Variants in KLF8 observed in about 807,000 individuals in gnomAD.
KLF8 encodes KLF transcription factor 8.
A neutral mutation model predicts 18.2 loss-of-function variants in KLF8; 10 were observed. That is an observed-to-expected ratio of 0.55 (90% CI 0.34 to 0.93). The LOEUF (loss-of-function observed/expected upper bound fraction) is 0.93, where lower values mean the gene tolerates loss of function less well. Among genes scored for constraint, KLF8 ranks in the 40% least tolerant of loss-of-function variants. The probability of loss-of-function intolerance (pLI) is 0.02; values close to 1 mark genes in which losing one functional copy is unlikely to be tolerated. For missense variants in KLF8, 264 were observed against 277.9 expected, an observed-to-expected ratio of 0.95 and a Z score of 0.36; for synonymous variants, 109 against 97.3, an observed-to-expected ratio of 1.12 and a Z score of -0.71.
At chrX:56,215,239 T>G in the KLF8 span, among the ~76,000 whole-genome samples, 1 of 112,197 alleles carries the variant, frequency 8.9e-6, no homozygotes, top group African/African-American at 3.2e-5. Flanking sequence ...ATTGGTGATC[T>G]GTATATTAAA....
chrX:56,037,213 G>A, the KLF8 span, among the ~76,000 whole-genome samples: 1 of 111,371 alleles, frequency 9.0e-6, no homozygotes, highest in African/African-American at 3.3e-5. Flanking sequence ...GGTGAGAATG[G>A]GCATCCTTGA....
chrX:56,184,189 G>T, the KLF8 span, among the ~76,000 whole-genome samples: 1 of 112,145 alleles, frequency 8.9e-6, no homozygotes, highest in Admixed American at 9.4e-5. Flanking sequence ...CATTTCCGAC[G>T]GGCTTAAAAA....
At chrX:56,015,404 G>T in the KLF8 span, among the ~76,000 whole-genome samples, 1 of 111,867 alleles carries the variant, frequency 8.9e-6, no homozygotes, top group Non-Finnish European at 1.9e-5. Flanking sequence ...AACTTGATGG[G>T]TTAAAATAAC....
chrX:56,181,150 C>G, the KLF8 span, among the ~76,000 whole-genome samples: 29 of 111,494 alleles, frequency 2.6e-4, no homozygotes, highest in African/African-American at 9.1e-4. Flanking sequence ...GTGCCTCTGT[C>G]TTGGGTGCAT....
the KLF8 span, among the ~76,000 whole-genome samples, chrX:56,135,557 G>A: frequency 9.0e-6 from 1 of 110,568 alleles, no homozygotes; most frequent in Admixed American, 9.7e-5. Context: ...GTTGTGGGGT[G>A]GGGGACGGGA....
the KLF8 span, among the ~76,000 whole-genome samples, chrX:56,221,702 G>A: frequency 2.8e-4 from 31 of 111,464 alleles, no homozygotes; most frequent in African/African-American, 1.0e-3. Context: ...TCGTGGTCTC[G>A]CTGGCTTCCG....
chrX:56,111,900 C>T, the KLF8 span, among the ~76,000 whole-genome samples: 1 of 111,744 alleles, frequency 8.9e-6, no homozygotes, highest in East Asian at 2.8e-4. Flanking sequence ...TAAATTAGTT[C>T]AATTATTGTG....
the KLF8 span, among the ~76,000 whole-genome samples, chrX:56,005,873 G>A: frequency 1.8e-5 from 2 of 112,082 alleles, no homozygotes; most frequent in African/African-American, 6.5e-5. Context: ...GTGGAGCTCT[G>A]CAGTGGTCAG....
chrX:56,157,610 T>A, the KLF8 span, among the ~76,000 whole-genome samples: 1 of 111,530 alleles, frequency 9.0e-6, no homozygotes, highest in African/African-American at 3.3e-5. Context: ...TATCTCATTG[T>A]GGTTTTGATT....
chrX:55,947,648 A>AT, the KLF8 span, among the ~76,000 whole-genome samples: 1 of 111,011 alleles, frequency 9.0e-6, no homozygotes, highest in African/African-American at 3.3e-5. Context: ...AATAAAAAAA[A>AT]TGCAATAGAC....
At chrX:56,094,940 C>A in the KLF8 span, among the ~76,000 whole-genome samples, 3 of 111,141 alleles carry the variant, frequency 2.7e-5, no homozygotes, top group Admixed American at 2.9e-4. Context: ...CCAAAGAAAT[C>A]TACAGATTTC....
the KLF8 span, among the ~76,000 whole-genome samples, chrX:56,195,702 C>T: frequency 1.8e-5 from 2 of 111,473 alleles, no homozygotes; most frequent in African/African-American, 6.5e-5. Flanking sequence ...GCAAGGCAGG[C>T]CAACATTCAA....
chrX:55,953,512 C>G, the KLF8 span, among the ~76,000 whole-genome samples: 14 of 109,854 alleles, frequency 1.3e-4, no homozygotes, highest in African/African-American at 4.6e-4. Context: ...ATACAAAGGG[C>G]CCAGAATATC....
chrX:56,068,322 C>A, the KLF8 span, among the ~76,000 whole-genome samples: 1 of 110,753 alleles, frequency 9.0e-6, no homozygotes, highest in Non-Finnish European at 1.9e-5. Flanking sequence ...GTTAGAGCTT[C>A]TGGCCCGACA....
At chrX:56,122,893 C>T in the KLF8 span, among the ~76,000 whole-genome samples, 1 of 110,924 alleles carries the variant, frequency 9.0e-6, no homozygotes, top group South Asian at 3.8e-4. Flanking sequence ...CCAGCCTTAA[C>T]TTGGTTTTAA....
At chrX:56,081,540 C>A in the KLF8 span, among the ~76,000 whole-genome samples, 1 of 111,925 alleles carries the variant, frequency 8.9e-6, no homozygotes, top group East Asian at 2.8e-4. Context: ...TGAAAGTGGG[C>A]AACCCTATTT....
At chrX:56,003,813 C>T in the KLF8 span, among the ~76,000 whole-genome samples, 1 of 112,207 alleles carries the variant, frequency 8.9e-6, no homozygotes, top group Non-Finnish European at 1.9e-5. Flanking sequence ...TGGGCTTCTA[C>T]TTCTTCTTAA....
At chrX:56,001,085 A>G in the KLF8 span, among the ~76,000 whole-genome samples, 1 of 112,296 alleles carries the variant, frequency 8.9e-6, no homozygotes, top group African/African-American at 3.2e-5. Flanking sequence ...TATCACTGAT[A>G]CTGGAATGCT....
At chrX:56,051,177 G>T in the KLF8 span, among the ~76,000 whole-genome samples, 1 of 111,248 alleles carries the variant, frequency 9.0e-6, no homozygotes, top group South Asian at 3.8e-4. Flanking sequence ...TACGTGAGAT[G>T]GGTTTCCTGA....
Sources: gnomAD v4.1 joint callset for allele counts (sites outside exome capture counted in the v4.1 genomes callset) on GRCh38, gnomAD v4.1.1 for gene constraint, MANE v1.5 for transcripts, NCBI Gene and HGNC (gene_info 2026-07-23, HGNC 2026-07-21) for gene names.